ZNF644: variants seen among roughly 807,000 people sequenced by gnomAD.
ZNF644 encodes zinc finger motif enhancer binding protein 2.
A neutral mutation model predicts 108.0 loss-of-function variants in ZNF644; 20 were observed. That is an observed-to-expected ratio of 0.19 (90% CI 0.13 to 0.27). ZNF644 has a LOEUF of 0.27. Among genes scored for constraint, ZNF644 ranks in the 10% least tolerant of loss-of-function variants. The pLI is 1.00. For missense variants in ZNF644, 1,338 were observed against 1,548.9 expected (o/e 0.86, Z 2.29); for synonymous variants, 542 against 539.1 (o/e 1.01, Z -0.08).
rs1161013787 is a variant in ZNF644, at chr1:90,940,407, T to C, written c.947A>G (p.Asn316Ser). 2.5e-6 allele frequency: 4 copies of C among 1,613,622 alleles called. No individual in the cohort carries two copies. The highest frequency in any genetic ancestry group is 1.3e-5 in the African/African-American group (1 of 74,910). Reference sequence around the variant, plus strand: ...GTCTACTTCTTGCATTTTTGATTTATTGGGTACACAATTAGAATCACTAAA... The same window carrying C: ...GTCTACTTCTTGCATTTTTGATTTACTGGGTACACAATTAGAATCACTAAA... ...DCFSDSNCVP[N>S]KSKMQEVDFL... Residue 316 changes from asparagine (N) to serine (S), a missense_variant, in exon 3 of 6, where the codon AAT (asparagine) becomes AGT (serine). By Grantham distance (46) the Asn-to-Ser change is conservative. Around this residue, in one of 6 missense-constraint regions of ZNF644, gnomAD observed 464 missense variants for 457.9 expected, o/e 1.01. Transcript: ENST00000337393.
chr1:90,958,692 A>G (rs1225634139), intron 2 of ZNF644, among the ~76,000 whole-genome samples: 1 of 152,198 alleles, frequency 6.6e-6, no homozygotes, highest in Non-Finnish European at 1.5e-5. Context: ...CATTTCCAAC[A>G]AAGTGCCAAG....
At chr1:90,969,754 T>C (rs1655273838) in intron 2 of ZNF644, among the ~76,000 whole-genome samples, 1 of 152,188 alleles carries the variant, frequency 6.6e-6, no homozygotes, top group Non-Finnish European at 1.5e-5. Context: ...TTGTGTCTAA[T>C]TTATAAATTA....
chr1:90,929,293 G>C (rs1323063018), intron 4 of ZNF644, among the ~76,000 whole-genome samples: 1 of 152,056 alleles, frequency 6.6e-6, no homozygotes. Flanking sequence ...ATACTATCTT[G>C]CATAGTTTTC....
At chr1:90,950,324 C>CAAAAG (rs749730687) in intron 2 of ZNF644, among the ~76,000 whole-genome samples, 6,935 of 63,418 alleles carry the variant, frequency 0.11, 319 homozygotes, top group Non-Finnish European at 0.12. Context: ...GAAAAGAAAA[C>CAAAAG]AAAAGAAAAG....
intron 1 of ZNF644, among the ~76,000 whole-genome samples, chr1:91,016,646 A>G (rs1310780040): frequency 6.6e-6 from 1 of 152,254 alleles, no homozygotes; most frequent in Non-Finnish European, 1.5e-5. Context: ...TTCCTCAAGA[A>G]ACTAATGAAA....
At chr1:90,968,481 C>T (rs1351459932) in intron 2 of ZNF644, among the ~76,000 whole-genome samples, 1 of 152,064 alleles carries the variant, frequency 6.6e-6, no homozygotes, top group Non-Finnish European at 1.5e-5. Context: ...AGACTTTTTA[C>T]AATGGTTCTA....
At chr1:90,976,276 T>A (rs546676153) in intron 2 of ZNF644, among the ~76,000 whole-genome samples, 12 of 152,352 alleles carry the variant, frequency 7.9e-5, no homozygotes, top group South Asian at 2.1e-4. Context: ...TCAGGCCTAC[T>A]ACTACACTAT....
chr1:90,942,180 T>C (rs1255859782), intron 2 of ZNF644, among the ~76,000 whole-genome samples: 1 of 152,176 alleles, frequency 6.6e-6, no homozygotes, highest in Non-Finnish European at 1.5e-5. Flanking sequence ...TCTAGTGCAA[T>C]GGCCTAACAC....
At chr1:90,964,188 T>C (rs1654607290) in intron 2 of ZNF644, among the ~76,000 whole-genome samples, 2 of 152,274 alleles carry the variant, frequency 1.3e-5, no homozygotes, top group East Asian at 3.9e-4. Context: ...ATTTAATTTT[T>C]CTGTTTTCCT....
chr1:91,015,371 A>G (rs1476090702), intron 1 of ZNF644, among the ~76,000 whole-genome samples: 1 of 152,172 alleles, frequency 6.6e-6, no homozygotes, highest in Non-Finnish European at 1.5e-5. Context: ...AGACTATCCA[A>G]TGAAAAGATT....
At chr1:90,956,476 T>C (rs1372806398) in intron 2 of ZNF644, among the ~76,000 whole-genome samples, 1 of 152,164 alleles carries the variant, frequency 6.6e-6, no homozygotes, top group African/African-American at 2.4e-5. Context: ...TTTAGTATGA[T>C]GGCCAATCTT....
chr1:90,990,215 A>C (rs1657506805), intron 1 of ZNF644, among the ~76,000 whole-genome samples: 1 of 152,184 alleles, frequency 6.6e-6, no homozygotes, highest in South Asian at 2.1e-4. Flanking sequence ...AAAGTGAAAA[A>C]GTTCTAGAGA....
rs994257709 is a variant in ZNF644, at chr1:90,982,176, G to C, written c.44+134C>G. The C allele has an allele frequency of 4.3e-5, 30 of 691,932 alleles. No individual in the cohort carries two copies. The Admixed American group carries it at 6.9e-4, about 16-fold the overall frequency. The allele number at this position is 691,932 out of a possible 1,614,324, so 42.9% of individuals were successfully genotyped here. A position where few individuals can be genotyped will look rare whatever the true frequency, so the allele number is the denominator to read the frequency against. ...TCAACTGGACCAAGTGTGTCAAAAA[G>C]TCAATTATTTGCATTTCAAAATTTT... is the stretch of plus-strand genomic sequence containing the variant. On this transcript the variant is annotated intron_variant, in intron 2 of 5. Coordinates refer to ENST00000337393, the MANE Select transcript of ZNF644 (RefSeq NM_201269.3).
chr1:90,998,914 T>C (rs1414106040), intron 1 of ZNF644, among the ~76,000 whole-genome samples: 2 of 152,226 alleles, frequency 1.3e-5, no homozygotes, highest in South Asian at 2.1e-4. Flanking sequence ...CAAGCTTCAG[T>C]AGCCGATCTG....
chr1:90,962,857 A>G (rs1654469975), intron 2 of ZNF644, among the ~76,000 whole-genome samples: 1 of 152,130 alleles, frequency 6.6e-6, no homozygotes, highest in Non-Finnish European at 1.5e-5. Flanking sequence ...ATAGTTTCTG[A>G]GCCTAAGAGA....
At chr1:90,963,243 A>G (rs1250381459) in intron 2 of ZNF644, among the ~76,000 whole-genome samples, 1 of 152,114 alleles carries the variant, frequency 6.6e-6, no homozygotes, top group Non-Finnish European at 1.5e-5. Context: ...ATGGATACCC[A>G]AACAACCAGT....
chr1:90,965,035 T>C (rs1254356758), intron 2 of ZNF644, among the ~76,000 whole-genome samples: 1 of 152,160 alleles, frequency 6.6e-6, no homozygotes, highest in East Asian at 1.9e-4. Flanking sequence ...TAACAATCTG[T>C]TACCCTTGTT....
intron 1 of ZNF644, among the ~76,000 whole-genome samples, chr1:90,987,165 A>C (rs1657183182): frequency 6.6e-6 from 1 of 151,010 alleles, no homozygotes; most frequent in African/African-American, 2.4e-5. Flanking sequence ...AGGGAGAAAA[A>C]TAATACATAT....
At chr1:90,979,013 C>T (rs1394290077) in intron 2 of ZNF644, among the ~76,000 whole-genome samples, 2 of 152,126 alleles carry the variant, frequency 1.3e-5, no homozygotes, top group African/African-American at 2.4e-5. Flanking sequence ...TGGGGAAGAA[C>T]CTCTTCTTGC....
Sources: allele counts gnomAD v4.1 joint callset (sites outside exome capture counted in the v4.1 genomes callset), GRCh38; gene constraint gnomAD v4.1.1; regional missense constraint gnomAD v4.1.1; transcripts MANE v1.5; gene names NCBI Gene and HGNC (gene_info 2026-07-23, HGNC 2026-07-21).